The following ATP11A variants were observed in gnomAD, a reference collection of about 807,000 sequenced individuals.
ATP11A encodes the protein ATPase phospholipid transporting 11A.
A neutral mutation model predicts 154.4 loss-of-function variants in ATP11A; 81 were observed. That is an observed-to-expected ratio of 0.52 (90% CI 0.44 to 0.63). ATP11A has a LOEUF of 0.63. Among genes scored for constraint, ATP11A ranks in the 30% least tolerant of loss-of-function variants. The probability of loss-of-function intolerance (pLI) is 0.00; values close to 1 mark genes in which losing one functional copy is unlikely to be tolerated. For synonymous variants in ATP11A, 623 were observed against 585.9 expected, an observed-to-expected ratio of 1.06 and a Z score of -0.91; for missense variants, 1,316 against 1,474.3, an observed-to-expected ratio of 0.89 and a Z score of 1.76.
intron 1 of ATP11A, among the ~76,000 whole-genome samples, chr13:112,723,748 G>A (rs1371564495): frequency 2.0e-5 from 3 of 152,094 alleles, no homozygotes; most frequent in Non-Finnish European, 4.4e-5. Context: ...CATTCAGTCG[G>A]AAGGGGCTTA....
chr13:112,880,036 A>G (rs1263332020), intron 29 of ATP11A, among the ~76,000 whole-genome samples: 1 of 152,106 alleles, frequency 6.6e-6, no homozygotes, highest in African/African-American at 2.4e-5. Flanking sequence ...CAATTGTGCA[A>G]TTCCAAGCCC....
chr13:112,871,253 G>A (rs1466127139), intron 25 of ATP11A, among the ~76,000 whole-genome samples: 1 of 152,252 alleles, frequency 6.6e-6, no homozygotes, highest in Non-Finnish European at 1.5e-5. Context: ...CTGTGAGTTT[G>A]TTCCTGAAAC....
intron 20 of ATP11A, chr13:112,856,303 C>G: frequency 4.4e-6 from 2 of 454,674 alleles, no homozygotes; most frequent in East Asian, 3.5e-5. Context: ...ATGTATGACC[C>G]TTCCAGATGC....
intron 1 of ATP11A, among the ~76,000 whole-genome samples, chr13:112,783,315 C>T (rs2077543489): frequency 1.3e-5 from 2 of 152,182 alleles, no homozygotes; most frequent in South Asian, 4.2e-4. Context: ...AACGAGAGTT[C>T]CCTGAAGCAC....
chr13:112,772,559 C>G (rs111968295), intron 1 of ATP11A, among the ~76,000 whole-genome samples: 164 of 78,650 alleles, frequency 2.1e-3, no homozygotes, highest in South Asian at 0.019. Flanking sequence ...TGCCCAGTAC[C>G]AGGCCCTCCC....
intron 2 of ATP11A, among the ~76,000 whole-genome samples, chr13:112,798,633 A>T (rs556929448): frequency 1.1e-4 from 16 of 152,354 alleles, no homozygotes; most frequent in African/African-American, 3.8e-4. Context: ...TGTGGCCTCT[A>T]GTGCAACCAC....
chr13:112,755,998 C>G (rs188259454), intron 1 of ATP11A, among the ~76,000 whole-genome samples: 1 of 149,522 alleles, frequency 6.7e-6, no homozygotes, highest in African/African-American at 2.5e-5. Context: ...TTTCCGGTCA[C>G]GGAAACGGCA....
At chr13:112,878,977 T>C (rs970642974) in intron 29 of ATP11A, among the ~76,000 whole-genome samples, 7 of 152,270 alleles carry the variant, frequency 4.6e-5, no homozygotes, top group African/African-American at 1.7e-4. Flanking sequence ...TAATTTGCTT[T>C]AAAAATGACG....
At position 112,816,216 on chromosome 13, in the gene ATP11A, G is replaced by T; in HGVS notation, c.570+5G>T. 6.2e-7 allele frequency: 1 copy of T among 1,614,130 alleles called. No homozygotes were observed. The highest frequency in any genetic ancestry group is 1.1e-5 in the South Asian group (1 of 91,080). On this transcript the variant is annotated splice_donor_5th_base_variant and intron_variant, in intron 6 of 29. Transcript: ENST00000375645. The stretch of plus-strand genomic sequence containing the variant: ...GATGGAGAATCCAGCCATAAAGTAA[G>T]GGGCCTTTTCATTAGACTCCAGGGC...
intron 17 of ATP11A, among the ~76,000 whole-genome samples, chr13:112,846,117 T>C (rs748558564): frequency 9.8e-5 from 15 of 152,322 alleles, no homozygotes; most frequent in South Asian, 2.1e-4. Context: ...GCTTTTGAGG[T>C]GTTTCGTGAT....
intron 1 of ATP11A, among the ~76,000 whole-genome samples, chr13:112,777,279 T>C (rs1174311689): frequency 3.3e-5 from 5 of 152,134 alleles, no homozygotes; most frequent in Non-Finnish European, 7.4e-5. Flanking sequence ...AAAAAATAAC[T>C]AAGGCTGGGC....
intron 17 of ATP11A, among the ~76,000 whole-genome samples, chr13:112,843,711 A>G (rs1266467461): frequency 6.6e-6 from 1 of 152,184 alleles, no homozygotes; most frequent in Non-Finnish European, 1.5e-5. Flanking sequence ...ATTACTGTAG[A>G]TGTCAGAGCA....
At chr13:112,799,530 TG>T (rs2078080390) in intron 2 of ATP11A, among the ~76,000 whole-genome samples, 1 of 152,082 alleles carries the variant, frequency 6.6e-6, no homozygotes, top group South Asian at 2.1e-4. Context: ...GGGGAGGTCA[TG>T]AGACTCATTG....
At chr13:112,821,874 G>A (rs185090326) in intron 8 of ATP11A, among the ~76,000 whole-genome samples, 11 of 152,288 alleles carry the variant, frequency 7.2e-5, no homozygotes, top group Admixed American at 2.0e-4. Flanking sequence ...TAAGTGTGTT[G>A]CAAACAGAAG....
At chr13:112,800,948 A>C (rs868201056) in intron 2 of ATP11A, among the ~76,000 whole-genome samples, 4 of 152,300 alleles carry the variant, frequency 2.6e-5, no homozygotes, top group East Asian at 1.9e-4. Context: ...TTCACTACCC[A>C]CTCATGTACT....
At chr13:112,769,839 C>G (rs1276049368) in intron 1 of ATP11A, among the ~76,000 whole-genome samples, 1 of 152,232 alleles carries the variant, frequency 6.6e-6, no homozygotes, top group Non-Finnish European at 1.5e-5. Flanking sequence ...CCAGGTCTGT[C>G]TGATCGCTTC....
In ATP11A at chr13:112,697,196, C is replaced by T. The variant is rs1335059365; in HGVS notation, c.39+6741C>T. On this transcript the variant is annotated intron_variant, in intron 1 of 29. Coordinates refer to ENST00000375645, the MANE Select transcript of ATP11A (RefSeq NM_015205.3). This position sits in a 1 kb window ranked among gnomAD's most constrained non-coding sequence, Gnocchi z 4.0. ...GGGCTGGCCGCCCCTCGGTGGGCTCCGGTGCTGGCCTCTGCCTTCCCCAGG... is the reference window on the plus strand; with the variant it reads ...GGGCTGGCCGCCCCTCGGTGGGCTCTGGTGCTGGCCTCTGCCTTCCCCAGG... Among the ~76,000 whole-genome samples the T allele has an allele frequency of 2.0e-5, 3 of 152,186 alleles. No individual in the cohort carries two copies. The highest frequency in any genetic ancestry group is 7.2e-5 in the African/African-American group (3 of 41,440).
At chr13:112,802,889 A>G (rs1442257846) in intron 2 of ATP11A, among the ~76,000 whole-genome samples, 1 of 152,228 alleles carries the variant, frequency 6.6e-6, no homozygotes, top group Non-Finnish European at 1.5e-5. Flanking sequence ...ACCTGGTATC[A>G]AACAACACAT....
chr13:112,835,040 G>T (rs1303277690), intron 15 of ATP11A, among the ~76,000 whole-genome samples: 1 of 152,258 alleles, frequency 6.6e-6, no homozygotes. Context: ...GCTGCCCCCG[G>T]TGTGGCCATG....
Sources: gnomAD v4.1 joint callset for allele counts (sites outside exome capture counted in the v4.1 genomes callset) on GRCh38, gnomAD v4.1.1 for gene constraint, Gnocchi (gnomAD v3.1) non-coding constraint, MANE v1.5 for transcripts, NCBI Gene and HGNC (gene_info 2026-07-23, HGNC 2026-07-21) for gene names.